The following CCDC171 variants were observed in gnomAD, a reference collection of about 807,000 sequenced individuals.
The protein encoded by CCDC171 is coiled-coil domain-containing protein 171.
A neutral mutation model predicts 168.2 loss-of-function variants in CCDC171; 177 were observed. That is an observed-to-expected ratio of 1.05 (90% confidence interval 0.93 to 1.19). The LOEUF (loss-of-function observed/expected upper bound fraction) is 1.19, where lower values mean the gene tolerates loss of function less well. CCDC171 is among the 50% of genes most tolerant of loss of function. The pLI is 0.00. For missense variants in CCDC171, 1,991 were observed against 1,539.0 expected, an observed-to-expected ratio of 1.29 and a Z score of -4.91; for synonymous variants, 687 against 540.8, an observed-to-expected ratio of 1.27 and a Z score of -3.75.
At chr9:15,775,559 C>T (rs1400904835) in intron 18 of CCDC171, among the ~76,000 whole-genome samples, 1 of 152,192 alleles carries the variant, frequency 6.6e-6, no homozygotes, top group Non-Finnish European at 1.5e-5. Context: ...ACCTCGTGAT[C>T]TGCCTGCCTT....
intron 24 of CCDC171, chr9:15,883,039 T>A (rs1818906081): frequency 2.8e-6 from 1 of 355,182 alleles, no homozygotes; most frequent in Admixed American, 3.2e-5. Context: ...TCCCCTTCCT[T>A]TTCTTTTGAG....
intron 25 of CCDC171, among the ~76,000 whole-genome samples, chr9:15,970,235 C>G (rs1831213053): frequency 6.6e-6 from 1 of 152,124 alleles, no homozygotes; most frequent in Non-Finnish European, 1.5e-5. Flanking sequence ...AAAATGGTAA[C>G]ACATACAACA....
At chr9:15,869,587 C>T (rs1413952706) in intron 23 of CCDC171, among the ~76,000 whole-genome samples, 1 of 151,088 alleles carries the variant, frequency 6.6e-6, no homozygotes, top group Non-Finnish European at 1.5e-5. Context: ...GGCTAGTTCC[C>T]TTCTCTTTGT....
rs563757554 is a variant in CCDC171 at position 15,859,281 on chromosome 9, C to T, written c.3468+10334C>T. Among the ~76,000 whole-genome samples the T allele has an allele frequency of 9.9e-5, 15 of 152,024 alleles. No homozygotes were observed. The East Asian group carries it at 2.9e-3, about 29-fold the overall frequency. Reference sequence around the variant, plus strand: ...AATCCTTTAATTGTGCTTTTGAATTCAGTTGCTAATATTTTGTTGAGGATT... The same window carrying T: ...AATCCTTTAATTGTGCTTTTGAATTTAGTTGCTAATATTTTGTTGAGGATT... On this transcript the variant is annotated intron_variant, in intron 23 of 25. Transcript: ENST00000380701.
At chr9:15,603,458 T>C (rs1194439011) in intron 6 of CCDC171, among the ~76,000 whole-genome samples, 2 of 152,198 alleles carry the variant, frequency 1.3e-5, no homozygotes, top group Admixed American at 1.3e-4. Flanking sequence ...CCTGTGTCCA[T>C]GTGTTCTCAT....
intron 25 of CCDC171, chr9:15,921,965 A>C (rs1324857140): frequency 6.1e-6 from 1 of 163,530 alleles, no homozygotes; most frequent in Non-Finnish European, 1.4e-5. Context: ...CAAACTTGGT[A>C]AGGTGAGATT....
chr9:16,081,338 C>T, the CCDC171 span, among the ~76,000 whole-genome samples: 2 of 152,212 alleles, frequency 1.3e-5, no homozygotes, highest in Non-Finnish European at 1.5e-5. Context: ...ATCTCCCTTA[C>T]TGGTCAGGGC....
chr9:16,015,178 A>G (rs377477059), intron 3 of CCDC171, among the ~76,000 whole-genome samples: 6 of 152,320 alleles, frequency 3.9e-5, no homozygotes, highest in African/African-American at 1.4e-4. Flanking sequence ...GATCCTCTGG[A>G]TAACTTGCTG....
chr9:15,932,068 T>A (rs1008391523), intron 25 of CCDC171, among the ~76,000 whole-genome samples: 3 of 151,986 alleles, frequency 2.0e-5, no homozygotes, highest in African/African-American at 7.2e-5. Flanking sequence ...TGCTCAGGAT[T>A]GTTTTGGCTA....
At chr9:16,061,727 A>C (rs918144157), downstream of CCDC171, 1 of 152,252 alleles carries the variant, frequency 6.6e-6, no homozygotes, top group African/African-American at 2.4e-5. Context: ...TAATTCTCAC[A>C]GTAACCCCAT....
At chr9:16,009,303 A>T (rs946523471) in intron 3 of CCDC171, among the ~76,000 whole-genome samples, 3 of 152,084 alleles carry the variant, frequency 2.0e-5, no homozygotes, top group Non-Finnish European at 2.9e-5. Flanking sequence ...ACAGATACTC[A>T]CCTTTCCATC....
At chr9:16,005,226 A>G (rs1000528614) in intron 3 of CCDC171, among the ~76,000 whole-genome samples, 2 of 152,230 alleles carry the variant, frequency 1.3e-5, no homozygotes, top group Non-Finnish European at 2.9e-5. Flanking sequence ...TAACTATTCT[A>G]GACATTTCAT....
chr9:15,963,982 C>A (rs889537327), intron 25 of CCDC171, among the ~76,000 whole-genome samples: 1 of 152,172 alleles, frequency 6.6e-6, no homozygotes, highest in Non-Finnish European at 1.5e-5. Context: ...TCCTTCTTTG[C>A]TCCATCCTCC....
At chr9:15,634,890 A>G (rs548340053) in intron 7 of CCDC171, among the ~76,000 whole-genome samples, 2 of 152,316 alleles carry the variant, frequency 1.3e-5, no homozygotes, top group African/African-American at 4.8e-5. Flanking sequence ...AAGTGGAACT[A>G]CAATATATGG....
intron 21 of CCDC171, among the ~76,000 whole-genome samples, chr9:15,810,257 T>C (rs1019466063): frequency 6.6e-6 from 1 of 152,152 alleles, no homozygotes; most frequent in African/African-American, 2.4e-5. Context: ...AGAGTGCTGA[T>C]TGGTGCATAT....
intron 9 of CCDC171, among the ~76,000 whole-genome samples, chr9:15,675,287 C>T (rs946857513): frequency 7.0e-6 from 1 of 143,528 alleles, no homozygotes; most frequent in Admixed American, 7.5e-5. Flanking sequence ...AGATGGGTCT[C>T]CTGTATACAG....
rs541162755 is a variant in CCDC171, at chr9:15,899,057, G to A, written c.3601-21213G>A. On this transcript the variant is annotated intron_variant, in intron 24 of 25. Coordinates refer to ENST00000380701, the MANE Select transcript of CCDC171 (RefSeq NM_173550.4). ...GTCATTTCAATAATGTAATATAAATGCAGTCATACAGAATGTGACTTTTTG... is the reference window on the plus strand; with the variant it reads ...GTCATTTCAATAATGTAATATAAATACAGTCATACAGAATGTGACTTTTTG... 8.5e-4 allele frequency among the ~76,000 whole-genome samples: 130 copies of A among 152,262 alleles called. 2 individuals carry two copies. In the South Asian group the frequency reaches 0.025, roughly 30 times the overall value.
At chr9:15,568,724 TTA>T (rs1440042152) in intron 2 of CCDC171, among the ~76,000 whole-genome samples, 1 of 152,042 alleles carries the variant, frequency 6.6e-6, no homozygotes, top group African/African-American at 2.4e-5. Flanking sequence ...AATTGTCTTT[TTA>T]TGTCCTTTGC....
intron 16 of CCDC171, among the ~76,000 whole-genome samples, chr9:15,733,597 A>G (rs2054288849): frequency 1.3e-5 from 2 of 150,532 alleles, no homozygotes; most frequent in South Asian, 4.2e-4. Context: ...GTGTCAATCT[A>G]TCTCTAGACT....
Sources: gnomAD v4.1 joint callset for allele counts (sites outside exome capture counted in the v4.1 genomes callset) on GRCh38, gnomAD v4.1.1 for gene constraint, MANE v1.5 for transcripts, NCBI Gene and HGNC (gene_info 2026-07-23, HGNC 2026-07-21) for gene names.